TMPRSS9: variants seen among roughly 807,000 people sequenced by gnomAD.
TMPRSS9 encodes the protein transmembrane serine protease 9.
Under a neutral mutation model 111.4 loss-of-function variants are expected in TMPRSS9, and 113 were observed. The observed-to-expected ratio is 1.01, with a 90% confidence interval of 0.87 to 1.19. The LOEUF (loss-of-function observed/expected upper bound fraction) is 1.19, where lower values mean the gene tolerates loss of function less well. Among genes scored for constraint, TMPRSS9 ranks in the 50% most tolerant of loss-of-function variants. The probability of loss-of-function intolerance (pLI) is 0.00; values close to 1 mark genes in which losing one functional copy is unlikely to be tolerated. For synonymous variants in TMPRSS9, 805 were observed against 659.1 expected (o/e 1.22, Z -3.39); for missense variants, 1,803 against 1,513.1 (o/e 1.19, Z -3.18).
At chr19:2,406,014 CTTT>C in intron 7 of TMPRSS9, among the ~76,000 whole-genome samples, 1 of 95,530 alleles carries the variant, frequency 1.0e-5, no homozygotes. Context: ...TTCTTTCTTT[CTTT>C]TTTTTTTTTT....
chr19:2,363,803 T>TGC (rs202104945), intron 1 of TMPRSS9, among the ~76,000 whole-genome samples: 1 of 116,570 alleles, frequency 8.6e-6, no homozygotes, highest in African/African-American at 3.3e-5. Context: ...TGTGTGTGTG[T>TGC]GCGTGCGCGC....
intron 1 of TMPRSS9, among the ~76,000 whole-genome samples, chr19:2,371,720 A>C (rs1444943264): frequency 1.4e-5 from 2 of 144,234 alleles, no homozygotes; most frequent in East Asian, 2.2e-4. Context: ...CAAGAAAAAA[A>C]AAAAACAAAA....
rs774449904 is a variant in TMPRSS9 at position 2,375,417 on chromosome 19, T to TG, written c.-25-14340dup. On this transcript the variant is annotated intron_variant, in intron 1 of 17. Coordinates refer to the TMPRSS9 transcript ENST00000649857. ...GGGTCTAGTGTGGACCAATCACTGATGGGGATGGAGGGGTAGGCACTGTGA... is the reference window on the plus strand; with the variant it reads ...GGGTCTAGTGTGGACCAATCACTGATGGGGGATGGAGGGGTAGGCACTGTGA... 1.1e-3 allele frequency among the ~76,000 whole-genome samples: 129 copies of TG among 119,912 alleles called. 2 individuals are homozygous for TG. The highest frequency in any genetic ancestry group is 3.6e-3 in the African/African-American group (78 of 21,488). 78.7% of individuals were successfully genotyped at this position (119,912 alleles called of 152,430 possible).
chr19:2,422,474 G>A (rs996203275), intron 14 of TMPRSS9, among the ~76,000 whole-genome samples: 3 of 152,212 alleles, frequency 2.0e-5, no homozygotes, highest in East Asian at 1.9e-4. Context: ...CCAACTACGC[G>A]GGAGGCTAAG....
At chr19:2,425,716 G>A in intron 17 of TMPRSS9, 2 of 1,175,534 alleles carry the variant, frequency 1.7e-6, no homozygotes, top group Non-Finnish European at 2.3e-6. Context: ...AGAGCAGGCA[G>A]AGGCTGCAGT....
chr19:2,426,154 CCCCACCCCACCGTA>C, exon 18 of TMPRSS9: 1 of 1,370,408 alleles, frequency 7.3e-7, no homozygotes, highest in Non-Finnish European at 9.4e-7. Context: ...CCACCCAACA[CCCCACCCCACCGTA>C]CCCTACCCAA....
chr19:2,405,807 G>A (rs1184472272), intron 7 of TMPRSS9, among the ~76,000 whole-genome samples: 21 of 149,104 alleles, frequency 1.4e-4, no homozygotes, highest in Non-Finnish European at 3.0e-5. Context: ...CTGGGTTCAC[G>A]CCATTCTCCT....
chr19:2,403,875 C>T (rs1335530528), intron 6 of TMPRSS9, among the ~76,000 whole-genome samples: 2 of 151,954 alleles, frequency 1.3e-5, no homozygotes, highest in South Asian at 4.2e-4. Context: ...CGCCTGTAGT[C>T]CCAGCTATTT....
chr19:2,403,863 G>A (rs1023558328), intron 6 of TMPRSS9, among the ~76,000 whole-genome samples: 5 of 151,800 alleles, frequency 3.3e-5, no homozygotes, highest in South Asian at 2.1e-4. Flanking sequence ...CGTGGTGGCG[G>A]GCGCCTGTAG....
chr19:2,375,720 T>G (rs1568169497), intron 1 of TMPRSS9, among the ~76,000 whole-genome samples: 1 of 152,142 alleles, frequency 6.6e-6, no homozygotes, highest in Non-Finnish European at 1.5e-5. Flanking sequence ...GCTAGCACCA[T>G]GATCGACCAC....
chr19:2,397,874 C>T (rs1445113727), intron 2 of TMPRSS9, among the ~76,000 whole-genome samples: 1 of 132,202 alleles, frequency 7.6e-6, no homozygotes, highest in Non-Finnish European at 1.6e-5. Flanking sequence ...GAGCCAAGAT[C>T]GTGCCATTGC....
chr19:2,411,971 C>T (rs1241540574), intron 9 of TMPRSS9, among the ~76,000 whole-genome samples: 1 of 152,096 alleles, frequency 6.6e-6, no homozygotes, highest in Non-Finnish European at 1.5e-5. Context: ...CTCTGAGGAT[C>T]GTAATTTAAT....
At chr19:2,416,589 C>T (rs1350377552) in exon 12 of TMPRSS9, 2 of 1,612,166 alleles carry the variant, frequency 1.2e-6, no homozygotes, top group Non-Finnish European at 1.7e-6. Flanking sequence ...CCCTCCTGGG[C>T]CTGGGCGGGA....
chr19:2,387,942 G>T (rs935877097), upstream of TMPRSS9, among the ~76,000 whole-genome samples: 1 of 152,176 alleles, frequency 6.6e-6, no homozygotes, highest in South Asian at 2.1e-4. Context: ...CCCTCCAGAC[G>T]GGATGCTGGT....
intron 1 of TMPRSS9, among the ~76,000 whole-genome samples, chr19:2,378,174 C>T (rs752214460): frequency 4.6e-5 from 7 of 152,168 alleles, no homozygotes; most frequent in Non-Finnish European, 7.3e-5. Flanking sequence ...GCTGCCACAC[C>T]TGACCCCCCT....
chr19:2,405,314 G>A, intron 6 of TMPRSS9, 60 bp from the exon 8 acceptor site: 1 of 1,513,088 alleles, frequency 6.6e-7, no homozygotes, highest in Non-Finnish European at 8.8e-7. Flanking sequence ...GCATGTTCTG[G>A]GAGTTCAGGG....
At position 2,405,369 on chromosome 19, in the gene TMPRSS9, T is replaced by G. The variant is rs199498471; in HGVS notation, c.671-5T>G. On this transcript the variant is annotated splice_region_variant and splice_polypyrimidine_tract_variant and intron_variant, in intron 6 of 17. Transcript: ENST00000648592. ...GGTCATGGCTGGTGACCTGCTGTCT[T>G]GCAGAGTGTGGCTTGCAGCCTGCCT... 6 of 1,593,778 alleles carry G rather than the reference T, an allele frequency of 3.8e-6. No individual in the cohort carries two copies. In the East Asian group the frequency reaches 1.4e-4, roughly 38 times the overall value.
intron 1 of TMPRSS9, among the ~76,000 whole-genome samples, chr19:2,371,231 T>C (rs1348516646): frequency 6.6e-6 from 1 of 152,180 alleles, no homozygotes; most frequent in Non-Finnish European, 1.5e-5. Context: ...ACATTGCTAT[T>C]GCCTCGTTCA....
intron 1 of TMPRSS9, among the ~76,000 whole-genome samples, chr19:2,371,641 G>A (rs917102528): frequency 4.6e-5 from 7 of 151,758 alleles, no homozygotes; most frequent in Non-Finnish European, 7.4e-5. Context: ...AGGTTGCAGC[G>A]AGCCAACATC....
Sources: gnomAD v4.1 joint callset for allele counts (sites outside exome capture counted in the v4.1 genomes callset) on GRCh38, gnomAD v4.1.1 for gene constraint, MANE v1.5 for transcripts, NCBI Gene and HGNC (gene_info 2026-07-23, HGNC 2026-07-21) for gene names.